The following PHYHIPL variants were observed in gnomAD, a reference collection of about 807,000 sequenced individuals.
The protein encoded by PHYHIPL is phytanoyl-CoA 2-hydroxylase interacting protein like.
A neutral mutation model predicts 33.4 loss-of-function variants in PHYHIPL; 9 were observed. That is an observed-to-expected ratio of 0.27 (90% CI 0.16 to 0.47). The LOEUF (loss-of-function observed/expected upper bound fraction) is 0.47, where lower values mean the gene tolerates loss of function less well. Among genes scored for constraint, PHYHIPL ranks in the 20% least tolerant of loss-of-function variants. PHYHIPL has a pLI of 0.99. For missense variants in PHYHIPL, 365 were observed against 460.7 expected (o/e 0.79, Z 1.90); for synonymous variants, 153 against 154.1 (o/e 0.99, Z 0.05).
At chr10:59,235,389 G>T (rs912608191) in intron 2 of PHYHIPL, among the ~76,000 whole-genome samples, 1 of 151,662 alleles carries the variant, frequency 6.6e-6, no homozygotes, top group Admixed American at 6.6e-5. Context: ...TTCTTATGTT[G>T]CAGTGTTTTC....
At chr10:59,197,341 A>G (rs1838948001) in intron 1 of PHYHIPL, among the ~76,000 whole-genome samples, 1 of 152,196 alleles carries the variant, frequency 6.6e-6, no homozygotes, top group Admixed American at 6.5e-5. Flanking sequence ...TCTTTTGAGA[A>G]TAAGTTTTCA....
intron 1 of PHYHIPL, among the ~76,000 whole-genome samples, chr10:59,198,011 T>G (rs947618566): frequency 6.6e-6 from 1 of 152,098 alleles, no homozygotes; most frequent in Non-Finnish European, 1.5e-5. Context: ...GAAGATGAAC[T>G]TAGATCTCTT....
intron 2 of PHYHIPL, among the ~76,000 whole-genome samples, chr10:59,236,091 T>C (rs1335089416): frequency 6.6e-6 from 1 of 151,884 alleles, no homozygotes; most frequent in Non-Finnish European, 1.5e-5. Context: ...AACACCATAT[T>C]AGAAATCAAG....
chr10:59,188,632 T>C (rs1434344921), intron 1 of PHYHIPL, among the ~76,000 whole-genome samples: 1 of 152,202 alleles, frequency 6.6e-6, no homozygotes, highest in East Asian at 1.9e-4. Context: ...AGGACTTGCT[T>C]TATGAATCTG....
chr10:59,229,964 GC>G (rs1840030349), intron 1 of PHYHIPL, among the ~76,000 whole-genome samples: 1 of 152,094 alleles, frequency 6.6e-6, no homozygotes, highest in Non-Finnish European at 1.5e-5. Flanking sequence ...TATTTAGTTT[GC>G]TTTAACAATA....
chr10:59,247,746 C>CA lies in PHYHIPL; in HGVS notation c.*2160dup. 1 of 1,604,846 alleles carries CA rather than the reference C, an allele frequency of 6.2e-7. No individual in the cohort carries two copies. Among genetic ancestry groups the CA allele is most frequent in the Non-Finnish European group, 8.5e-7 (1 of 1,176,126 alleles). ...CTTCCTTTTGTGGACTTCTGCAAAA[C>CA]AAAAATACATTTGTTAGTTCACAAT... On this transcript the variant is annotated 3_prime_UTR_variant, in exon 5 of 5. Transcript: ENST00000373880.
chr10:59,178,779 G>A (rs896224334), intron 1 of PHYHIPL, among the ~76,000 whole-genome samples: 2 of 152,106 alleles, frequency 1.3e-5, no homozygotes, highest in African/African-American at 4.8e-5. Flanking sequence ...TATTTACTGT[G>A]ATCCCCTAGA....
intron 1 of PHYHIPL, among the ~76,000 whole-genome samples, chr10:59,225,866 G>A (rs530973668): frequency 9.9e-5 from 15 of 151,844 alleles, no homozygotes; most frequent in African/African-American, 3.4e-4. Context: ...AAAACAAGAA[G>A]TTTCTAGGTC....
intron 1 of PHYHIPL, among the ~76,000 whole-genome samples, chr10:59,208,441 A>T (rs913220895): frequency 6.6e-6 from 1 of 152,178 alleles, no homozygotes; most frequent in Non-Finnish European, 1.5e-5. Flanking sequence ...CAAGGACCAA[A>T]GGTAGATAAA....
At chr10:59,180,545 T>G (rs1838388545) in intron 1 of PHYHIPL, among the ~76,000 whole-genome samples, 2 of 151,778 alleles carry the variant, frequency 1.3e-5, no homozygotes, top group South Asian at 4.1e-4. Context: ...CGGCACTTTA[T>G]GACTGTCCAG....
At chr10:59,199,511 T>G (rs1462312854) in intron 1 of PHYHIPL, among the ~76,000 whole-genome samples, 2 of 152,170 alleles carry the variant, frequency 1.3e-5, no homozygotes, top group African/African-American at 4.8e-5. Context: ...GCTTTGTTCT[T>G]TGGCTTAGGA....
At chr10:59,202,722 G>A (rs1366991889) in intron 1 of PHYHIPL, among the ~76,000 whole-genome samples, 1 of 152,120 alleles carries the variant, frequency 6.6e-6, no homozygotes, top group African/African-American at 2.4e-5. Context: ...GAATATGTGG[G>A]ATTATTGAGG....
chr10:59,204,081 T>C (rs1471523935), intron 1 of PHYHIPL, among the ~76,000 whole-genome samples: 11 of 152,194 alleles, frequency 7.2e-5, no homozygotes, highest in Admixed American at 6.5e-4. Context: ...TATGTAGATT[T>C]AGAATATAAA....
chr10:59,229,763 G>A (rs1035102958), intron 1 of PHYHIPL, among the ~76,000 whole-genome samples: 2 of 152,168 alleles, frequency 1.3e-5, no homozygotes, highest in Non-Finnish European at 2.9e-5. Context: ...CAGCATTTGC[G>A]TTACTTGAAC....
At chr10:59,221,108 C>A (rs1190167779) in intron 1 of PHYHIPL, among the ~76,000 whole-genome samples, 3 of 151,966 alleles carry the variant, frequency 2.0e-5, no homozygotes, top group Non-Finnish European at 2.9e-5. Context: ...ACTCTAATGT[C>A]TAAAATTACC....
chr10:59,199,988 C>A (rs1329914157), intron 1 of PHYHIPL, among the ~76,000 whole-genome samples: 1 of 152,160 alleles, frequency 6.6e-6, no homozygotes, highest in African/African-American at 2.4e-5. Flanking sequence ...GATGTACAAT[C>A]ATGTCATCTG....
intron 4 of PHYHIPL, among the ~76,000 whole-genome samples, chr10:59,244,616 A>G (rs1268394213): frequency 1.4e-5 from 2 of 146,050 alleles, no homozygotes; most frequent in Non-Finnish European, 3.0e-5. Flanking sequence ...CTTTTGTGCC[A>G]GTATAAATGG....
At chr10:59,202,932 T>C (rs549332639) in intron 1 of PHYHIPL, among the ~76,000 whole-genome samples, 2 of 152,168 alleles carry the variant, frequency 1.3e-5, no homozygotes. Flanking sequence ...GTAGACATAA[T>C]AATTTAGAAG....
chr10:59,196,563 C>G (rs1056914533), intron 1 of PHYHIPL, among the ~76,000 whole-genome samples: 3 of 151,808 alleles, frequency 2.0e-5, no homozygotes, highest in African/African-American at 7.3e-5. Flanking sequence ...GGACTACAGG[C>G]ACCCACCACC....
Sources: gnomAD v4.1 joint callset for allele counts (sites outside exome capture counted in the v4.1 genomes callset) on GRCh38, gnomAD v4.1.1 for gene constraint, MANE v1.5 for transcripts, NCBI Gene and HGNC (gene_info 2026-07-23, HGNC 2026-07-21) for gene names.